The following NLGN1 variants were observed in gnomAD, a reference collection of about 807,000 sequenced individuals.
The protein encoded by NLGN1 is neuroligin-1.
A neutral mutation model predicts 65.5 loss-of-function variants in NLGN1; 12 were observed. The observed-to-expected ratio is 0.18, with a 90% CI of 0.12 to 0.30. The LOEUF (loss-of-function observed/expected upper bound fraction) is 0.30. Ranked by LOEUF, NLGN1 falls within the 10% of genes least tolerant of loss-of-function variation. The pLI, the probability that NLGN1 is intolerant of heterozygous loss-of-function variation, is 1.00. For missense variants in NLGN1, 750 were observed against 1,007.1 expected (o/e 0.74, Z 3.46); for synonymous variants, 350 against 359.5 (o/e 0.97, Z 0.30).
At chr3:174,150,271 C>T (rs1724081604) in intron 4 of NLGN1, among the ~76,000 whole-genome samples, 1 of 152,116 alleles carries the variant, frequency 6.6e-6, no homozygotes. Context: ...TCTGCATCCT[C>T]TCTTTTCTGT....
At chr3:174,287,138 C>T (rs1561489829), downstream of NLGN1, among the ~76,000 whole-genome samples, 1 of 151,164 alleles carries the variant, frequency 6.6e-6, no homozygotes, top group Non-Finnish European at 1.5e-5. Context: ...TGATCCAAGT[C>T]TTGATCAAAT....
chr3:173,507,899 C>T (rs1732293119), intron 2 of NLGN1, among the ~76,000 whole-genome samples: 1 of 152,084 alleles, frequency 6.6e-6, no homozygotes, highest in South Asian at 2.1e-4. Context: ...TTTTGTGACC[C>T]TAGACAATTT....
intron 4 of NLGN1, among the ~76,000 whole-genome samples, chr3:174,019,430 A>G (rs1448123305): frequency 6.6e-6 from 1 of 152,060 alleles, no homozygotes; most frequent in Admixed American, 6.6e-5. Flanking sequence ...TAACAGTAAG[A>G]AGGCCCTCAC....
intron 4 of NLGN1, among the ~76,000 whole-genome samples, chr3:174,043,607 G>A (rs557033177): frequency 7.2e-5 from 11 of 152,346 alleles, no homozygotes; most frequent in Non-Finnish European, 7.3e-5. Flanking sequence ...CTCACATCCA[G>A]GTCATGCTGA....
At chr3:174,060,453 C>T (rs116282030) in intron 4 of NLGN1, among the ~76,000 whole-genome samples, 3 of 152,126 alleles carry the variant, frequency 2.0e-5, no homozygotes, top group Non-Finnish European at 4.4e-5. Flanking sequence ...CCTTTACCCT[C>T]CTTGAACAGT....
At chr3:173,670,936 A>C (rs1762364589) in intron 3 of NLGN1, among the ~76,000 whole-genome samples, 1 of 152,222 alleles carries the variant, frequency 6.6e-6, no homozygotes, top group African/African-American at 2.4e-5. Flanking sequence ...GTACTCAAAT[A>C]AATTACCTAA....
chr3:174,274,960 T>C (rs182557698), intron 4 of NLGN1, among the ~76,000 whole-genome samples: 110 of 151,958 alleles, frequency 7.2e-4, no homozygotes, highest in Non-Finnish European at 1.1e-3. Flanking sequence ...TTCTGCAAGA[T>C]ACACGTTCAC....
At position 173,769,717 on chromosome 3, in the gene NLGN1, G is replaced by A. The variant is rs1409148581; in HGVS notation, c.494-37963G>A. On this transcript the variant is annotated intron_variant, in intron 3 of 6. Transcript: ENST00000457714. Reference sequence around the variant, plus strand: ...GATAGAGGCACTGATTGGAAACACAGAAGAGTATAAGGTTGAGTGCATCTA... The same window carrying A: ...GATAGAGGCACTGATTGGAAACACAAAAGAGTATAAGGTTGAGTGCATCTA... Among the ~76,000 whole-genome samples the A allele has an allele frequency of 5.9e-5, 9 of 152,210 alleles. No individual in the cohort carries two copies. In the South Asian group the frequency reaches 1.9e-3, roughly 31 times the overall value.
chr3:173,415,943 A>AGAGAGAGAGAGAGCGCGCGCGC (rs141095727), intron 1 of NLGN1, among the ~76,000 whole-genome samples: 1 of 142,828 alleles, frequency 7.0e-6, no homozygotes, highest in African/African-American at 2.8e-5. Context: ...AGAGAGAGAG[A>AGAGAGAGAGAGAGCGCGCGCGC]GCTTGGTATA....
intron 2 of NLGN1, among the ~76,000 whole-genome samples, chr3:173,548,717 G>A (rs917025636): frequency 1.1e-4 from 17 of 151,820 alleles, no homozygotes; most frequent in Non-Finnish European, 5.9e-5. Flanking sequence ...AGAATCTAGC[G>A]AACACAAACA....
At chr3:173,488,464 C>T (rs1442992299) in intron 2 of NLGN1, among the ~76,000 whole-genome samples, 1 of 152,040 alleles carries the variant, frequency 6.6e-6, no homozygotes, top group African/African-American at 2.4e-5. Context: ...CTTTCAATGG[C>T]ATTCTGTAAG....
intron 4 of NLGN1, among the ~76,000 whole-genome samples, chr3:174,166,774 G>A (rs1727567780): frequency 6.6e-6 from 1 of 152,120 alleles, no homozygotes; most frequent in Non-Finnish European, 1.5e-5. Context: ...AATGCTGTCA[G>A]TGGGGTGTTG....
intron 2 of NLGN1, among the ~76,000 whole-genome samples, chr3:173,443,338 A>G (rs1719571183): frequency 1.1e-5 from 1 of 88,270 alleles, no homozygotes; most frequent in African/African-American, 2.9e-5. Flanking sequence ...TATATACACT[A>G]TGACTATATA....
chr3:174,050,811 A>G (rs532590366), intron 4 of NLGN1, among the ~76,000 whole-genome samples: 1 of 152,172 alleles, frequency 6.6e-6, no homozygotes, highest in African/African-American at 2.4e-5. Flanking sequence ...AGAACATTCT[A>G]GGATTCAAAG....
intron 4 of NLGN1, among the ~76,000 whole-genome samples, chr3:174,063,464 C>A (rs1291508913): frequency 6.6e-6 from 1 of 152,014 alleles, no homozygotes; most frequent in Non-Finnish European, 1.5e-5. Context: ...AGATAAACTT[C>A]TTTTATTTTC....
chr3:173,969,934 CA>C (rs1258507751), intron 4 of NLGN1, among the ~76,000 whole-genome samples: 6 of 151,436 alleles, frequency 4.0e-5, no homozygotes, highest in Non-Finnish European at 7.4e-5. Flanking sequence ...AAGATCTAAC[CA>C]CAAAATAAAA....
chr3:173,679,126 GA>G (rs11316391), intron 3 of NLGN1, among the ~76,000 whole-genome samples: 21,436 of 137,026 alleles, frequency 0.16, 1,978 homozygotes, highest in East Asian at 0.46. Context: ...GCCCCGATGT[GA>G]AAAAAAAAAA....
intron 3 of NLGN1, among the ~76,000 whole-genome samples, chr3:173,741,147 A>G (rs558819383): frequency 6.6e-6 from 1 of 152,262 alleles, no homozygotes; most frequent in South Asian, 2.1e-4. Flanking sequence ...TAAGTATTAC[A>G]TCTTAAATAT....
intron 4 of NLGN1, among the ~76,000 whole-genome samples, chr3:174,164,331 C>A (rs553789082): frequency 6.6e-6 from 1 of 151,838 alleles, no homozygotes; most frequent in Non-Finnish European, 1.5e-5. Flanking sequence ...GGATATTAGA[C>A]CTTTGTCAGA....
Sources: gnomAD v4.1 joint callset for allele counts (sites outside exome capture counted in the v4.1 genomes callset) on GRCh38, gnomAD v4.1.1 for gene constraint, MANE v1.5 for transcripts, NCBI Gene and HGNC (gene_info 2026-07-23, HGNC 2026-07-21) for gene names.